Variants in SCOC observed in about 807,000 individuals in gnomAD.
SCOC encodes short coiled coil protein.
A neutral mutation model predicts 9.9 loss-of-function variants in SCOC; 7 were observed. The ratio of observed to expected loss-of-function variants is 0.71; its 90% CI spans 0.40 to 1.33. The LOEUF is 1.33. SCOC is among the 40% of genes most tolerant of loss of function. The pLI, the probability that SCOC is intolerant of heterozygous loss-of-function variation, is 0.01. For synonymous variants in SCOC, 19 were observed against 28.2 expected, an observed-to-expected ratio of 0.67 and a Z score of 1.03; for missense variants, 66 against 89.7, an observed-to-expected ratio of 0.74 and a Z score of 1.07.
intron 1 of SCOC, among the ~76,000 whole-genome samples, chr4:140,304,125 T>C (rs1731892735): frequency 6.6e-6 from 1 of 152,046 alleles, no homozygotes; most frequent in African/African-American, 2.4e-5. Flanking sequence ...CACCATGTTT[T>C]TCAGATTTAA....
chr4:140,319,700 T>C (rs770811324), intron 1 of SCOC, among the ~76,000 whole-genome samples: 4 of 152,126 alleles, frequency 2.6e-5, no homozygotes, highest in Admixed American at 6.6e-5. Context: ...TAATGGTTCT[T>C]GTTAAAGCTC....
chr4:140,364,347 T>C (rs1210039347), intron 2 of SCOC, among the ~76,000 whole-genome samples: 1 of 152,024 alleles, frequency 6.6e-6, no homozygotes, highest in Non-Finnish European at 1.5e-5. Context: ...TCAAGATAAT[T>C]AAAGAAGAAG....
intron 1 of SCOC, among the ~76,000 whole-genome samples, chr4:140,304,583 C>T (rs1560692332): frequency 6.6e-6 from 1 of 152,286 alleles, no homozygotes; most frequent in South Asian, 2.1e-4. Context: ...GCAACAGATA[C>T]TAATGTCTTC....
At chr4:140,352,193 T>C (rs1292017194) in intron 2 of SCOC, among the ~76,000 whole-genome samples, 1 of 152,218 alleles carries the variant, frequency 6.6e-6, no homozygotes, top group African/African-American at 2.4e-5. Context: ...ATTTAAAAGA[T>C]TATTCCCATA....
In SCOC at chr4:140,381,178, G is replaced by A. The variant is rs1421275438; in HGVS notation, c.*74G>A. The A allele has an allele frequency of 7.8e-6, 11 of 1,416,520 alleles. 1 individual carries two copies. In the East Asian group the frequency reaches 2.6e-4, roughly 34 times the overall value. 87.7% of individuals were successfully genotyped at this position (1,416,520 alleles called of 1,614,324 possible). On this transcript the variant is annotated 3_prime_UTR_variant, in exon 4 of 4. Transcript: ENST00000608372. Reference sequence around the variant, plus strand: ...TTTAAAACTTGGATAGATTCCAAAAGTTACAGTACCTTTGTGGCTTCATTG... The same window carrying A: ...TTTAAAACTTGGATAGATTCCAAAAATTACAGTACCTTTGTGGCTTCATTG...
chr4:140,372,221 T>C (rs1411054094), upstream of SCOC, among the ~76,000 whole-genome samples: 2 of 152,242 alleles, frequency 1.3e-5, no homozygotes, highest in African/African-American at 4.8e-5. Flanking sequence ...ATGTATCTTA[T>C]ACTACTGAAG....
intron 1 of SCOC, among the ~76,000 whole-genome samples, chr4:140,313,603 GC>G (rs1299653767): frequency 6.6e-6 from 1 of 152,008 alleles, no homozygotes; most frequent in Non-Finnish European, 1.5e-5. Flanking sequence ...AGTAATAATG[GC>G]AGAAAATTGA....
At chr4:140,302,131 GC>G (rs113465594) in intron 1 of SCOC, among the ~76,000 whole-genome samples, 5,201 of 152,300 alleles carry the variant, frequency 0.034, 274 homozygotes, top group African/African-American at 0.12. Flanking sequence ...ACAGCGCCCA[GC>G]CAGGATTTAT....
At chr4:140,299,639 C>T (rs1731756126) in intron 1 of SCOC, among the ~76,000 whole-genome samples, 1 of 152,230 alleles carries the variant, frequency 6.6e-6, no homozygotes, top group Non-Finnish European at 1.5e-5. Context: ...ACAACTAAAG[C>T]ATTTGTACAC....
intron 1 of SCOC, among the ~76,000 whole-genome samples, chr4:140,287,605 A>G (rs1334145865): frequency 6.6e-6 from 1 of 151,962 alleles, no homozygotes; most frequent in Non-Finnish European, 1.5e-5. Flanking sequence ...ACACATATGT[A>G]CACACACTAC....
chr4:140,367,359 T>C (rs993936108), intron 2 of SCOC, among the ~76,000 whole-genome samples: 1 of 152,162 alleles, frequency 6.6e-6, no homozygotes, highest in African/African-American at 2.4e-5. Context: ...CAGACACATA[T>C]GATTAATCTT....
upstream of SCOC, chr4:140,373,413 T>A: frequency 1.3e-6 from 2 of 1,498,654 alleles, no homozygotes; most frequent in Non-Finnish European, 1.8e-6. Flanking sequence ...TGTCATTGGC[T>A]GTCGCTGTTC....
chr4:140,370,715 T>G (rs140829363), upstream of SCOC, among the ~76,000 whole-genome samples: 30 of 152,316 alleles, frequency 2.0e-4, no homozygotes, highest in African/African-American at 6.5e-4. Flanking sequence ...TGTGTCTTCT[T>G]GATGAATATG....
At chr4:140,260,828 G>T (rs143228422) in intron 1 of SCOC, among the ~76,000 whole-genome samples, 13 of 152,252 alleles carry the variant, frequency 8.5e-5, no homozygotes, top group Admixed American at 5.2e-4. Context: ...AGAGAGAAAA[G>T]AAATTGTTCT....
intron 1 of SCOC, among the ~76,000 whole-genome samples, chr4:140,279,766 A>C (rs778786412): frequency 2.0e-5 from 3 of 152,144 alleles, no homozygotes; most frequent in African/African-American, 4.8e-5. Context: ...GCAGTGCTTA[A>C]ACAAGACAGA....
intron 1 of SCOC, chr4:140,293,379 C>T: frequency 2.2e-6 from 1 of 456,934 alleles, no homozygotes; most frequent in South Asian, 1.5e-5. Context: ...CTGAGCAGGG[C>T]ACGCCAAGAC....
At chr4:140,282,303 C>A (rs531273060) in intron 1 of SCOC, among the ~76,000 whole-genome samples, 1 of 152,312 alleles carries the variant, frequency 6.6e-6, no homozygotes, top group African/African-American at 2.4e-5. Flanking sequence ...CTATCTGATT[C>A]TGAAAGGTCT....
chr4:140,369,857 ATTTTTTTTTTTTTTTTTTTTTTTT>A (rs540817613), upstream of SCOC, among the ~76,000 whole-genome samples: 14 of 31,420 alleles, frequency 4.5e-4, no homozygotes, highest in Admixed American at 3.2e-3. Flanking sequence ...CAGAAGGGGG[ATTTTTTTTTTTTTTTTTTTTTTTT>A]TTTTTTTTTT....
At chr4:140,349,169 A>C (rs1726870275) in intron 2 of SCOC, among the ~76,000 whole-genome samples, 1 of 152,218 alleles carries the variant, frequency 6.6e-6, no homozygotes, top group African/African-American at 2.4e-5. Flanking sequence ...ACAGAATGAC[A>C]ACCAACACTG....
Sources: gnomAD v4.1 joint callset for allele counts (sites outside exome capture counted in the v4.1 genomes callset) on GRCh38, gnomAD v4.1.1 for gene constraint, MANE v1.5 for transcripts, NCBI Gene and HGNC (gene_info 2026-07-23, HGNC 2026-07-21) for gene names.